The following SNTG1 variants were observed in gnomAD, a reference collection of about 807,000 sequenced individuals.
The protein encoded by SNTG1 is syntrophin gamma 1, also known as gamma-1-syntrophin.
In SNTG1, 39 loss-of-function variants were observed where a neutral mutation model predicts 74.7. The observed-to-expected ratio is 0.52, with a 90% CI of 0.40 to 0.68. SNTG1 has a LOEUF of 0.68. Ranked by LOEUF, SNTG1 falls within the 30% of genes least tolerant of loss-of-function variation. The pLI is 0.00. For missense variants in SNTG1, 685 were observed against 609.5 expected, an observed-to-expected ratio of 1.12 and a Z score of -1.30; for synonymous variants, 254 against 217.1, an observed-to-expected ratio of 1.17 and a Z score of -1.49.
At chr8:50,095,890 G>T (rs1396831660) in intron 1 of SNTG1, among the ~76,000 whole-genome samples, 1 of 151,154 alleles carries the variant, frequency 6.6e-6, no homozygotes, top group Non-Finnish European at 1.5e-5. Flanking sequence ...CATTTTTGTT[G>T]ATAAACAAAA....
At chr8:50,281,716 A>G (rs2088465649) in intron 2 of SNTG1, among the ~76,000 whole-genome samples, 1 of 152,158 alleles carries the variant, frequency 6.6e-6, no homozygotes, top group Non-Finnish European at 1.5e-5. Flanking sequence ...TTTTCTCTCT[A>G]CATTCACCTC....
At chr8:49,923,206 G>A (rs763873902) in intron 1 of SNTG1, among the ~76,000 whole-genome samples, 15 of 151,982 alleles carry the variant, frequency 9.9e-5, no homozygotes, top group Non-Finnish European at 1.9e-4. Flanking sequence ...CTTACGAATG[G>A]ATAAAATTGT....
intron 17 of SNTG1, among the ~76,000 whole-genome samples, chr8:50,744,074 C>A (rs2095549803): frequency 2.1e-5 from 3 of 140,702 alleles, no homozygotes; most frequent in Admixed American, 2.1e-4. Flanking sequence ...TTCGTGGGTG[C>A]AGATCTTTCA....
chr8:50,663,072 G>A (rs2095232719), intron 15 of SNTG1, among the ~76,000 whole-genome samples: 1 of 152,146 alleles, frequency 6.6e-6, no homozygotes, highest in South Asian at 2.1e-4. Context: ...GGGCTCCACA[G>A]AGGAAGATGT....
At chr8:50,363,753 T>C (rs1446045262) in intron 2 of SNTG1, among the ~76,000 whole-genome samples, 3 of 152,156 alleles carry the variant, frequency 2.0e-5, no homozygotes, top group African/African-American at 7.2e-5. Flanking sequence ...TTTTTGTAGG[T>C]CTAAATAAAC....
intron 16 of SNTG1, 84 bp downstream of exon 16, chr8:50,704,836 G>A: frequency 6.8e-7 from 1 of 1,471,054 alleles, no homozygotes; most frequent in Non-Finnish European, 9.2e-7. Flanking sequence ...TTCCAAAGTA[G>A]TGTAAAAATA....
intron 17 of SNTG1, among the ~76,000 whole-genome samples, chr8:50,713,664 C>T (rs2095468067): frequency 6.6e-6 from 1 of 152,042 alleles, no homozygotes; most frequent in African/African-American, 2.4e-5. Context: ...ACGTTTAAGT[C>T]TTTAATCCAT....
chr8:50,337,295 C>T (rs890262676), intron 2 of SNTG1, among the ~76,000 whole-genome samples: 4 of 152,116 alleles, frequency 2.6e-5, no homozygotes, highest in Non-Finnish European at 5.9e-5. Context: ...TCATTGGTGC[C>T]AATAAATTAC....
At chr8:50,521,375 A>T (rs1235931286) in intron 9 of SNTG1, among the ~76,000 whole-genome samples, 4 of 152,146 alleles carry the variant, frequency 2.6e-5, no homozygotes, top group Non-Finnish European at 5.9e-5. Flanking sequence ...TATGTAACAA[A>T]CCTGCGTTTC....
intron 11 of SNTG1, among the ~76,000 whole-genome samples, chr8:50,544,715 G>A (rs1475057202): frequency 6.6e-6 from 1 of 151,870 alleles, no homozygotes; most frequent in Non-Finnish European, 1.5e-5. Flanking sequence ...TACAAACATA[G>A]CACTATTCAG....
At chr8:50,508,316 A>G in intron 9 of SNTG1, among the ~76,000 whole-genome samples, 1 of 152,104 alleles carries the variant, frequency 6.6e-6, no homozygotes, top group Admixed American at 6.6e-5. Flanking sequence ...AATCCAGTCT[A>G]TCATTGTTGG....
chr8:50,050,198 C>T (rs1217087675), intron 1 of SNTG1, among the ~76,000 whole-genome samples: 1 of 150,872 alleles, frequency 6.6e-6, no homozygotes, highest in African/African-American at 2.4e-5. Context: ...ATCAAAACAC[C>T]CTTAGCGAGT....
intron 8 of SNTG1, among the ~76,000 whole-genome samples, chr8:50,496,773 G>A (rs2093908248): frequency 6.6e-6 from 1 of 151,986 alleles, no homozygotes; most frequent in South Asian, 2.1e-4. Flanking sequence ...GAGAATAACT[G>A]TGCTAATACT....
At chr8:49,917,195 G>A (rs559940275) in intron 1 of SNTG1, among the ~76,000 whole-genome samples, 10 of 152,268 alleles carry the variant, frequency 6.6e-5, no homozygotes, top group Admixed American at 5.2e-4. Flanking sequence ...AATTGGTTGT[G>A]TGGACTTGGG....
intron 1 of SNTG1, among the ~76,000 whole-genome samples, chr8:49,950,683 G>A (rs1399238288): frequency 1.3e-5 from 2 of 152,146 alleles, no homozygotes; most frequent in African/African-American, 4.8e-5. Context: ...AGAAATAAAA[G>A]TAATATGTTG....
chr8:50,281,804 A>G (rs906290186), intron 2 of SNTG1, among the ~76,000 whole-genome samples: 11 of 152,204 alleles, frequency 7.2e-5, no homozygotes, highest in Non-Finnish European at 1.3e-4. Flanking sequence ...TCGAGTATTT[A>G]TATAAGTGAG....
At chr8:50,538,370 AG>A (rs1288562471) in intron 11 of SNTG1, among the ~76,000 whole-genome samples, 22 of 152,114 alleles carry the variant, frequency 1.4e-4, no homozygotes, top group Non-Finnish European at 1.2e-4. Context: ...TGAATTTCAA[AG>A]CTTCTTTTAC....
At chr8:50,090,687 G>T (rs772443516) in intron 1 of SNTG1, among the ~76,000 whole-genome samples, 1 of 152,096 alleles carries the variant, frequency 6.6e-6, no homozygotes. Context: ...AAAAACGAGT[G>T]TGTGATCCAA....
chr8:50,309,211 G>A (rs568350825), intron 2 of SNTG1, among the ~76,000 whole-genome samples: 2 of 152,196 alleles, frequency 1.3e-5, no homozygotes, highest in South Asian at 4.1e-4. Flanking sequence ...GGGCACCTAG[G>A]TTTAAGTTTC....
Sources: gnomAD v4.1 joint callset for allele counts (sites outside exome capture counted in the v4.1 genomes callset) on GRCh38, gnomAD v4.1.1 for gene constraint, MANE v1.5 for transcripts, NCBI Gene and HGNC (gene_info 2026-07-23, HGNC 2026-07-21) for gene names.